The following CDH18 variants were observed in gnomAD, a reference collection of about 807,000 sequenced individuals.
The protein encoded by CDH18 is cadherin-18.
A neutral mutation model predicts 67.9 loss-of-function variants in CDH18; 31 were observed. The observed-to-expected ratio is 0.46, with a 90% CI of 0.34 to 0.62. CDH18 has a LOEUF of 0.62. Ranked by LOEUF, CDH18 falls within the 20% of genes least tolerant of loss-of-function variation. CDH18 has a pLI of 0.01. For missense variants in CDH18, 890 were observed against 975.5 expected, an observed-to-expected ratio of 0.91 and a Z score of 1.17; for synonymous variants, 362 against 347.2, an observed-to-expected ratio of 1.04 and a Z score of -0.48.
chr5:20,042,189 A>G (rs1740487148), intron 2 of CDH18, among the ~76,000 whole-genome samples: 1 of 152,196 alleles, frequency 6.6e-6, no homozygotes, highest in African/African-American at 2.4e-5. Context: ...GCCTCTTAAT[A>G]AGGATAAAGA....
intron 5 of CDH18, among the ~76,000 whole-genome samples, chr5:19,635,043 A>T (rs1324977559): frequency 3.3e-5 from 5 of 152,314 alleles, no homozygotes; most frequent in African/African-American, 1.2e-4. Flanking sequence ...CTTATTTTCA[A>T]TTCAAAATAC....
chr5:20,387,397 C>T (rs939152738), intron 1 of CDH18, among the ~76,000 whole-genome samples: 7 of 152,022 alleles, frequency 4.6e-5, no homozygotes, highest in South Asian at 2.1e-4. Flanking sequence ...AGAATGCTTG[C>T]GATTTTTTGC....
intron 1 of CDH18, among the ~76,000 whole-genome samples, chr5:20,536,583 A>T (rs1440052687): frequency 6.6e-6 from 1 of 152,118 alleles, no homozygotes; most frequent in African/African-American, 2.4e-5. Flanking sequence ...AACAGGAAGG[A>T]AATGGTTATA....
At chr5:20,541,801 A>G (rs1757064270) in intron 1 of CDH18, among the ~76,000 whole-genome samples, 1 of 152,220 alleles carries the variant, frequency 6.6e-6, no homozygotes, top group South Asian at 2.1e-4. Context: ...ATACTTCACC[A>G]TATAGAAGAA....
intron 2 of CDH18, among the ~76,000 whole-genome samples, chr5:19,855,895 T>C (rs1307752302): frequency 6.6e-6 from 1 of 152,156 alleles, no homozygotes; most frequent in Non-Finnish European, 1.5e-5. Flanking sequence ...TAAGATATTT[T>C]CAAGGTGGTT....
At chr5:20,255,856 C>A (rs1744194964) in intron 1 of CDH18, among the ~76,000 whole-genome samples, 2 of 151,486 alleles carry the variant, frequency 1.3e-5, no homozygotes, top group African/African-American at 4.8e-5. Context: ...TAAACATGGT[C>A]AAAATTTAAA....
At chr5:19,692,897 C>T (rs1002107281) in intron 5 of CDH18, among the ~76,000 whole-genome samples, 1 of 151,768 alleles carries the variant, frequency 6.6e-6, no homozygotes, top group Non-Finnish European at 1.5e-5. Flanking sequence ...GTATACATTT[C>T]CAAAAGAAAG....
At chr5:20,553,315 C>T (rs914783474) in intron 1 of CDH18, among the ~76,000 whole-genome samples, 2 of 152,018 alleles carry the variant, frequency 1.3e-5, no homozygotes, top group East Asian at 3.9e-4. Flanking sequence ...TTCTTAACAT[C>T]ATAATTGTTG....
At position 20,063,382 on chromosome 5, in the gene CDH18, A is replaced by G. The variant is rs1277994749; in HGVS notation, c.-517-71368T>C. Among the ~76,000 whole-genome samples, 3 of 152,224 alleles carry G rather than the reference A, an allele frequency of 2.0e-5. No homozygotes were observed. The East Asian group carries it at 5.8e-4, about 29-fold the overall frequency. ...ATCTTATAAACTCTGCATTTCAAGA[A>G]TTAACAGTTTTGGGAAATTGTAGGT... On this transcript the variant is annotated intron_variant, in intron 2 of 14. Transcript: ENST00000507958.
rs78604514 is a variant in CDH18 at position 20,340,904 on chromosome 5, C to A, written c.-579-85399G>T. On this transcript the variant is annotated intron_variant, in intron 1 of 14. Transcript: ENST00000507958. ...AGGCCTTTTGAATCATGCCTGAAAG[C>A]CCAACTGCTTTGCTAGGTAGGGATC... Among the ~76,000 whole-genome samples the A allele has an allele frequency of 3.3e-5, 5 of 152,170 alleles. No individual in the cohort carries two copies. In the East Asian group the frequency reaches 9.7e-4, roughly 29 times the overall value.
In CDH18 at chr5:19,952,198, C is replaced by T. The variant is rs144217401; in HGVS notation, c.-257+28862G>A. Among the ~76,000 whole-genome samples, 1,084 of 152,124 alleles carry T rather than the reference C, an allele frequency of 7.1e-3. 12 individuals are homozygous for T. Among genetic ancestry groups the T allele is most frequent in the African/African-American group, 0.025 (1,031 of 41,510 alleles). On this transcript the variant is annotated intron_variant, in intron 2 of 12. Coordinates refer to ENST00000382275, the MANE Select transcript of CDH18 (RefSeq NM_004934.5). The stretch of plus-strand genomic sequence containing the variant: ...CCAAGTAGCTGGGATTACAGGCACC[C>T]GCCACCACACCTGGCTAATTTTTTG...
At chr5:20,085,057 T>C (rs1744825531) in intron 2 of CDH18, among the ~76,000 whole-genome samples, 1 of 152,212 alleles carries the variant, frequency 6.6e-6, no homozygotes, top group South Asian at 2.1e-4. Context: ...TTTTGTTTTC[T>C]ATTGCATTGT....
intron 2 of CDH18, among the ~76,000 whole-genome samples, chr5:20,208,315 T>C (rs10071839): frequency 0.71 from 108,128 of 152,042 alleles, 39,453 homozygotes; most frequent in African/African-American, 0.89. Flanking sequence ...TGGGGGAAAC[T>C]GCCCCCTTGA....
At chr5:19,762,456 G>A (rs938959304) in intron 3 of CDH18, among the ~76,000 whole-genome samples, 2 of 152,100 alleles carry the variant, frequency 1.3e-5, no homozygotes, top group Non-Finnish European at 2.9e-5. Context: ...CACTTCAAAA[G>A]AAGACATTTA....
At chr5:19,593,588 C>A (rs1452813462) in intron 6 of CDH18, among the ~76,000 whole-genome samples, 1 of 145,628 alleles carries the variant, frequency 6.9e-6, no homozygotes, top group Non-Finnish European at 1.5e-5. Flanking sequence ...CTGTCTCCCC[C>A]TCCCCTTCTA....
At chr5:19,876,519 GCTT>G (rs1402301878) in intron 2 of CDH18, among the ~76,000 whole-genome samples, 1 of 152,062 alleles carries the variant, frequency 6.6e-6, no homozygotes, top group African/African-American at 2.4e-5. Context: ...ACATCTGTTT[GCTT>G]CTTATTTCTC....
In CDH18 at chr5:20,036,392, G is replaced by A. The variant is rs1390027261; in HGVS notation, c.-517-44378C>T. On this transcript the variant is annotated intron_variant, in intron 2 of 14. Coordinates refer to the CDH18 transcript ENST00000507958. Reference sequence around the variant, plus strand: ...ATACATCCTAAATAAATTTAAAGATGATACTTAAAAAGAAGAAAAAAGAAG... The same window carrying A: ...ATACATCCTAAATAAATTTAAAGATAATACTTAAAAAGAAGAAAAAAGAAG... Among the ~76,000 whole-genome samples the A allele has an allele frequency of 2.0e-5, 3 of 151,880 alleles. No homozygotes were observed. In the East Asian group the frequency reaches 5.8e-4, roughly 29 times the overall value.
At chr5:19,748,346 T>A (rs1581177863) in intron 3 of CDH18, among the ~76,000 whole-genome samples, 1 of 152,020 alleles carries the variant, frequency 6.6e-6, no homozygotes, top group South Asian at 2.1e-4. Flanking sequence ...GAAGAGGTAT[T>A]CAATAAGAAA....
intron 1 of CDH18, among the ~76,000 whole-genome samples, chr5:19,986,534 A>G (rs1050914360): frequency 4.6e-5 from 7 of 152,178 alleles, no homozygotes; most frequent in Admixed American, 2.6e-4. Context: ...TCTCTGAGAA[A>G]AAGCATCAGA....
Sources: gnomAD v4.1 joint callset for allele counts (sites outside exome capture counted in the v4.1 genomes callset) on GRCh38, gnomAD v4.1.1 for gene constraint, MANE v1.5 for transcripts, NCBI Gene and HGNC (gene_info 2026-07-23, HGNC 2026-07-21) for gene names.